Variants in RBFOX1 observed in about 807,000 individuals in gnomAD.
RBFOX1 encodes the protein RNA binding fox-1 homolog 1.
Under a neutral mutation model 57.7 loss-of-function variants are expected in RBFOX1, and 8 were observed. That is an observed-to-expected ratio of 0.14 (90% CI 0.08 to 0.25). RBFOX1 has a LOEUF of 0.25. Ranked by LOEUF, RBFOX1 falls within the 10% of genes least tolerant of loss-of-function variation. The pLI, the probability that RBFOX1 is intolerant of heterozygous loss-of-function variation, is 1.00. For synonymous variants in RBFOX1, 326 were observed against 222.4 expected, an observed-to-expected ratio of 1.47 and a Z score of -4.15; for missense variants, 611 against 548.5, an observed-to-expected ratio of 1.11 and a Z score of -1.14.
intron 3 of RBFOX1, among the ~76,000 whole-genome samples, chr16:6,751,833 T>G (rs1345928646): frequency 6.6e-6 from 1 of 152,206 alleles, no homozygotes; most frequent in South Asian, 2.1e-4. Context: ...AAGCTGTCTC[T>G]GACCAGCTAC....
At chr16:6,909,698 C>A (rs112833794) in intron 3 of RBFOX1, among the ~76,000 whole-genome samples, 1 of 152,170 alleles carries the variant, frequency 6.6e-6, no homozygotes, top group Admixed American at 6.5e-5. Flanking sequence ...ACACGTGGTA[C>A]ATGCATGCTA....
chr16:6,806,374 G>A (rs1316851593), intron 3 of RBFOX1, among the ~76,000 whole-genome samples: 2 of 152,038 alleles, frequency 1.3e-5, no homozygotes, highest in Admixed American at 1.3e-4. Context: ...ATGAGAAACT[G>A]GTCTGTAATA....
chr16:7,311,827 A>C (rs921792611), intron 4 of RBFOX1, among the ~76,000 whole-genome samples: 8 of 152,192 alleles, frequency 5.3e-5, no homozygotes, highest in Non-Finnish European at 1.2e-4. Context: ...GAAAAACGAT[A>C]GTGTTTCTGA....
In RBFOX1 at chr16:6,862,282, A is replaced by G. The variant is rs1190676196; in HGVS notation, c.-15-189775A>G. On this transcript the variant is annotated intron_variant, in intron 3 of 15. Coordinates refer to ENST00000550418, the MANE Select transcript of RBFOX1 (RefSeq NM_018723.4). ...CCACCTCCAGAGATTTTAATTCTGT[A>G]GGTCTGGAGTGGAGACTGTTTGCCT... Among the ~76,000 whole-genome samples, 4 of 152,152 alleles carry G rather than the reference A, an allele frequency of 2.6e-5. No individual in the cohort carries two copies. The East Asian group carries it at 7.7e-4, about 29-fold the overall frequency.
intron 2 of RBFOX1, among the ~76,000 whole-genome samples, chr16:5,545,168 G>C (rs1038284712): frequency 5.3e-5 from 8 of 151,936 alleles, no homozygotes; most frequent in African/African-American, 7.3e-5. Flanking sequence ...AGTAGAGACA[G>C]GGTTTCACTC....
At chr16:7,221,644 G>A (rs1350061412) in intron 4 of RBFOX1, among the ~76,000 whole-genome samples, 2 of 152,214 alleles carry the variant, frequency 1.3e-5, no homozygotes, top group East Asian at 3.8e-4. Context: ...TGGGATTACA[G>A]GCGTGAGCCA....
At chr16:7,530,037 A>C (rs1410933239) in intron 5 of RBFOX1, among the ~76,000 whole-genome samples, 1 of 149,894 alleles carries the variant, frequency 6.7e-6, no homozygotes, top group East Asian at 2.0e-4. Flanking sequence ...GAATTTAGGA[A>C]CCTGAACCCT....
Position 6,399,657 on chromosome 16 carries a change from C to T in RBFOX1, c.-64+82600C>T, listed in dbSNP as rs139995869. Among the ~76,000 whole-genome samples, 799 of 152,346 alleles carry T rather than the reference C, an allele frequency of 5.2e-3. 12 individuals are homozygous for T. Among genetic ancestry groups the T allele is most frequent in the African/African-American group, 0.018 (759 of 41,580 alleles). ...TGCCTGTTACCCAGTTCCAAAGTCACTTCCACATTTTTGGGTATCTTTACA... is the reference window on the plus strand; with the variant it reads ...TGCCTGTTACCCAGTTCCAAAGTCATTTCCACATTTTTGGGTATCTTTACA... On this transcript the variant is annotated intron_variant, in intron 2 of 15. Transcript: ENST00000550418.
chr16:6,620,576 A>G (rs547315637), intron 2 of RBFOX1, among the ~76,000 whole-genome samples: 1 of 152,226 alleles, frequency 6.6e-6, no homozygotes, highest in African/African-American at 2.4e-5. Context: ...TTTAAACAAC[A>G]ACAATAACAA....
chr16:6,446,009 G>C (rs1416844986), intron 2 of RBFOX1, among the ~76,000 whole-genome samples: 2 of 151,784 alleles, frequency 1.3e-5, no homozygotes, highest in Non-Finnish European at 2.9e-5. Flanking sequence ...TTGTCATTCA[G>C]ACTGGAGCGC....
intron 4 of RBFOX1, among the ~76,000 whole-genome samples, chr16:5,869,695 G>T (rs189809871): frequency 1.6e-3 from 238 of 152,220 alleles, no homozygotes; most frequent in African/African-American, 5.3e-3. Context: ...GAGCCACCGC[G>T]CCCGGCTGTT....
rs76399698 is a variant in RBFOX1 at position 5,850,508 on chromosome 16, T to C, written c.319-16795T>C. 1.1e-3 allele frequency among the ~76,000 whole-genome samples: 170 copies of C among 152,340 alleles called. 5 individuals are homozygous for C. The East Asian group carries it at 0.029, about 26-fold the overall frequency. Reference sequence around the variant, plus strand: ...AAAGTAGCACTAGTAGTCACCATCATTGCAGTAGTAGTGGCAGTAACAGCA... The same window carrying C: ...AAAGTAGCACTAGTAGTCACCATCACTGCAGTAGTAGTGGCAGTAACAGCA... On this transcript the variant is annotated intron_variant, in intron 3 of 19. Coordinates refer to the RBFOX1 transcript ENST00000641259.
intron 3 of RBFOX1, among the ~76,000 whole-genome samples, chr16:6,915,081 T>C (rs2072775547): frequency 6.6e-6 from 1 of 152,222 alleles, no homozygotes; most frequent in Admixed American, 6.5e-5. Flanking sequence ...GACTAATGTG[T>C]GAACTGCACA....
chr16:6,915,956 A>T (rs1256126391), intron 3 of RBFOX1, among the ~76,000 whole-genome samples: 1 of 152,124 alleles, frequency 6.6e-6, no homozygotes, highest in Non-Finnish European at 1.5e-5. Context: ...TGAGAAACCA[A>T]AGTACAAGGC....
chr16:6,581,139 G>A (rs976667747), intron 2 of RBFOX1, among the ~76,000 whole-genome samples: 12 of 152,192 alleles, frequency 7.9e-5, no homozygotes, highest in East Asian at 7.8e-4. Context: ...AGGTCCACGT[G>A]GGACAACCAG....
chr16:7,429,114 C>G (rs2098653348), intron 4 of RBFOX1, among the ~76,000 whole-genome samples: 1 of 152,118 alleles, frequency 6.6e-6, no homozygotes, highest in African/African-American at 2.4e-5. Flanking sequence ...GGTGGGAAAT[C>G]GAGCGGCATA....
chr16:5,621,385 G>C (rs2048197285), intron 3 of RBFOX1, among the ~76,000 whole-genome samples: 1 of 152,136 alleles, frequency 6.6e-6, no homozygotes, highest in South Asian at 2.1e-4. Flanking sequence ...AGTGAATTTT[G>C]GATGCACCCA....
chr16:7,544,325 C>T (rs1567753323), intron 5 of RBFOX1, among the ~76,000 whole-genome samples: 1 of 152,256 alleles, frequency 6.6e-6, no homozygotes, highest in South Asian at 2.1e-4. Flanking sequence ...ATAAAATGGG[C>T]TTGATTTAAT....
Position 5,946,482 on chromosome 16 carries a change from G to A in RBFOX1, c.351+79147G>A, listed in dbSNP as rs185867391. Among the ~76,000 whole-genome samples, 382 of 152,324 alleles carry A rather than the reference G, an allele frequency of 2.5e-3. 3 individuals carry two copies. Among genetic ancestry groups the A allele is most frequent in the African/African-American group, 8.7e-3 (360 of 41,574 alleles). Reference sequence around the variant, plus strand: ...AGATCTCTGCTCTCATGGAATGGGAGTGCCTCATGGTGGGGTGCCTGGAGA... The same window carrying A: ...AGATCTCTGCTCTCATGGAATGGGAATGCCTCATGGTGGGGTGCCTGGAGA... On this transcript the variant is annotated intron_variant, in intron 4 of 19. Transcript: ENST00000641259. The surrounding 1 kb of genome is among the most constrained non-coding windows in gnomAD (Gnocchi z 4.6).
Sources: allele counts gnomAD v4.1 joint callset (sites outside exome capture counted in the v4.1 genomes callset), GRCh38; gene constraint gnomAD v4.1.1; non-coding constraint Gnocchi (gnomAD v3.1); transcripts MANE v1.5; gene names NCBI Gene and HGNC (gene_info 2026-07-23, HGNC 2026-07-21).